Variants in TTYH3 observed in about 807,000 individuals in gnomAD.
TTYH3 encodes the protein tweety family member 3, also known as protein tweety homolog 3.
TTYH3 carries 23 observed loss-of-function variants against 68.2 expected under a neutral mutation model. That is an observed-to-expected ratio of 0.34 (90% CI 0.24 to 0.48). TTYH3 has a LOEUF of 0.48. TTYH3 is among the 20% of genes least tolerant of loss of function. TTYH3 has a pLI of 0.99. For synonymous variants in TTYH3, 360 were observed against 332.8 expected, an observed-to-expected ratio of 1.08 and a Z score of -0.89; for missense variants, 768 against 727.7, an observed-to-expected ratio of 1.06 and a Z score of -0.64.
chr7:2,643,693 A>G (rs985963298), intron 1 of TTYH3, among the ~76,000 whole-genome samples: 10 of 152,178 alleles, frequency 6.6e-5, no homozygotes, highest in Non-Finnish European at 1.3e-4. Flanking sequence ...TCATCTGGCA[A>G]GTGGGAGTGG....
chr7:2,645,967 G>T lies in TTYH3; in HGVS notation c.124-886G>T. The T allele has an allele frequency of 2.6e-6, 1 of 380,930 alleles. No homozygotes were observed. 23.6% of individuals were successfully genotyped at this position (380,930 alleles called of 1,614,324 possible). A position where few individuals can be genotyped will look rare whatever the true frequency, so the allele number is the denominator to read the frequency against. ...CGGGCTGGGGGTGAGGACAGTAGCT[G>T]ATGCCGGCAGCCCCCTCCCCAGGGC... On this transcript the variant is annotated intron_variant, in intron 1 of 13. Transcript: ENST00000258796. This position sits in a 1 kb window ranked among gnomAD's most constrained non-coding sequence, Gnocchi z 4.8.
At chr7:2,648,310 T>C in intron 5 of TTYH3, 1 of 470,358 alleles carries the variant, frequency 2.1e-6, no homozygotes, top group East Asian at 3.6e-5. Context: ...GGGGCACTTG[T>C]AGCCCAGGAC....
chr7:2,649,431 G>A (rs1484620885), intron 5 of TTYH3, 136 bp from the exon 6 acceptor site: 6 of 839,348 alleles, frequency 7.1e-6, no homozygotes, highest in Non-Finnish European at 1.9e-6. Flanking sequence ...CTGAGGCCAG[G>A]CCACAGGAAG....
At chr7:2,644,355 A>C (rs923049518) in intron 1 of TTYH3, among the ~76,000 whole-genome samples, 1 of 152,120 alleles carries the variant, frequency 6.6e-6, no homozygotes, top group Non-Finnish European at 1.5e-5. Context: ...AAGCTCCCTA[A>C]CGTTTATAGA....
rs1435188754 is a variant in TTYH3 at position 2,664,435 on chromosome 7, A to G, written c.*2696A>G. ...GGATCTTTGTTTTGTGTTTAACCAT[A>G]ATGGTTGTGTACTGAACCACTTCAT... On this transcript the variant is annotated 3_prime_UTR_variant, in exon 14 of 14. Transcript: ENST00000258796. 1 of 152,230 alleles carries G rather than the reference A, an allele frequency of 6.6e-6. No individual in the cohort carries two copies. Among genetic ancestry groups the G allele is most frequent in the Non-Finnish European group, 1.5e-5 (1 of 68,012 alleles). 9.4% of individuals were successfully genotyped at this position (152,230 alleles called of 1,614,324 possible). A position where few individuals can be genotyped will look rare whatever the true frequency, so the allele number is the denominator to read the frequency against.
At chr7:2,647,058 A>C (rs778948809) in intron 2 of TTYH3, 36 bp downstream of exon 2, 176 of 1,126,126 alleles carry the variant, frequency 1.6e-4, no homozygotes, top group Middle Eastern at 1.3e-3. Flanking sequence ...GGGCGGGGCC[A>C]GAGGGGGCGG....
intron 7 of TTYH3, among the ~76,000 whole-genome samples, chr7:2,651,756 G>A (rs953060294): frequency 2.0e-5 from 3 of 152,002 alleles, no homozygotes; most frequent in African/African-American, 4.8e-5. Flanking sequence ...TTTTTTTAAT[G>A]TTCTTTTATA....
At position 2,661,697 on chromosome 7, in the gene TTYH3, C is replaced by T. The variant is rs368917154; in HGVS notation, c.1530C>T (p.Leu510=). ...CCTCCAGCATGAGAGCCAAATACCT[C>T]GCCACGAGCCAGCCTCGCCCTGACT... ...SYTSSMRAKY[L]ATSQPRPDSS... is the part of the protein sequence containing the mutation. The change falls in exon 14 of 14, where the codon CTC becomes CTT. Residue 510 remains leucine (L), a synonymous_variant. Transcript: ENST00000258796. The T allele has an allele frequency of 2.2e-5, 36 of 1,611,086 alleles. No individual in the cohort carries two copies. Among genetic ancestry groups the T allele is most frequent in the Middle Eastern group, 1.6e-4 (1 of 6,062 alleles).
At chr7:2,644,539 C>T (rs956677681) in intron 1 of TTYH3, among the ~76,000 whole-genome samples, 2 of 152,186 alleles carry the variant, frequency 1.3e-5, no homozygotes, top group African/African-American at 4.8e-5. Flanking sequence ...TGAGCTGATT[C>T]AGTTTCAGTG....
chr7:2,646,891 C>G lies in TTYH3; in HGVS notation c.162C>G (p.Leu54=), dbSNP rs148208032. 45 of 1,598,182 alleles carry G rather than the reference C, an allele frequency of 2.8e-5. No homozygotes were observed. The East Asian group carries it at 9.6e-4, about 34-fold the overall frequency. Residue 54 remains leucine, a synonymous_variant, in exon 2 of 14, where the codon CTC becomes CTG. Transcript: ENST00000258796. The part of the protein sequence containing the change: ...LLLGAAALAC[L]ALDLLFLLFY... ...TGGGGGCCGCCGCCCTGGCCTGCCT[C>G]GCCCTGGACCTCCTCTTCCTGCTCT...
chr7:2,644,157 T>C (rs1357693909), intron 1 of TTYH3, among the ~76,000 whole-genome samples: 1 of 152,144 alleles, frequency 6.6e-6, no homozygotes, highest in Non-Finnish European at 1.5e-5. Flanking sequence ...GCATGGGTCC[T>C]GTGGAGCTCT....
At chr7:2,660,494 G>C in intron 13 of TTYH3, 1 of 985,350 alleles carries the variant, frequency 1.0e-6, no homozygotes, top group Non-Finnish European at 1.2e-6. Flanking sequence ...CTGGCCCCAC[G>C]GTGGTGCGGG....
At chr7:2,638,846 AC>A (rs1468828401) in intron 1 of TTYH3, among the ~76,000 whole-genome samples, 1 of 151,736 alleles carries the variant, frequency 6.6e-6, no homozygotes, top group East Asian at 1.9e-4. Flanking sequence ...GTGACCCTGG[AC>A]CCCCCACTTG....
chr7:2,639,872 C>T (rs1020420124), intron 1 of TTYH3, among the ~76,000 whole-genome samples: 2 of 152,186 alleles, frequency 1.3e-5, no homozygotes, highest in African/African-American at 4.8e-5. Context: ...CACCCCTTCT[C>T]TGGCCACCGG....
chr7:2,639,993 T>A (rs933172010), intron 1 of TTYH3, among the ~76,000 whole-genome samples: 2 of 140 alleles, frequency 0.014, no homozygotes, highest in African/African-American at 0.033. Flanking sequence ...GTGGTCACGC[T>A]GCCTGGCCTG....
chr7:2,644,591 G>T lies in TTYH3; in HGVS notation c.124-2262G>T, dbSNP rs1359243958. Among the ~76,000 whole-genome samples the T allele has an allele frequency of 2.0e-5, 3 of 152,216 alleles. No homozygotes were observed. The East Asian group carries it at 5.8e-4, about 29-fold the overall frequency. On this transcript the variant is annotated intron_variant, in intron 1 of 13. Transcript: ENST00000258796. The stretch of plus-strand genomic sequence containing the variant: ...TGGGTCCTGCCCCTGGAGGGTGGGG[G>T]TGCAGGGCCCAGCAGTCCTCCTGCC...
chr7:2,645,646 C>A lies in TTYH3; in HGVS notation c.124-1207C>A. 2.6e-6 allele frequency: 1 copy of A among 391,782 alleles called. No homozygotes were observed. The highest frequency in any genetic ancestry group is 1.8e-5 in the South Asian group (1 of 54,128). The allele number at this position is 391,782 out of a possible 1,614,324, so 24.3% of individuals were successfully genotyped here. ...CAGCCTGTAGCAGTGTGGGGCCAGC[C>A]CCACCATCTCATCCAGCGTGGGGGC... On this transcript the variant is annotated intron_variant, in intron 1 of 13. Transcript: ENST00000258796. This position sits in a 1 kb window ranked among gnomAD's most constrained non-coding sequence, Gnocchi z 4.8.
chr7:2,649,868 G>A (rs371839269), intron 6 of TTYH3, 45 bp from the exon 7 acceptor site: 2 of 1,608,832 alleles, frequency 1.2e-6, no homozygotes, highest in Non-Finnish European at 1.7e-6. Context: ...CTTCCCTTTA[G>A]GCCCAGCTTG....
intron 1 of TTYH3, among the ~76,000 whole-genome samples, chr7:2,638,909 G>T (rs1254745479): frequency 1.3e-5 from 2 of 152,124 alleles, no homozygotes; most frequent in African/African-American, 4.8e-5. Context: ...CCAGTGGCGG[G>T]CCCCTGACAT....
Sources: gnomAD v4.1 joint callset for allele counts (sites outside exome capture counted in the v4.1 genomes callset) on GRCh38, gnomAD v4.1.1 for gene constraint, Gnocchi (gnomAD v3.1) non-coding constraint, MANE v1.5 for transcripts, NCBI Gene and HGNC (gene_info 2026-07-23, HGNC 2026-07-21) for gene names.